Variants in NUS1 observed in about 807,000 individuals in gnomAD.
The protein encoded by NUS1 is NUS1 dehydrodolichyl diphosphate synthase subunit.
For missense variants in NUS1, 292 were observed against 382.9 expected (o/e 0.76, Z 1.98); for synonymous variants, 135 against 155.2 (o/e 0.87, Z 0.97).
At chr6:117,692,205 T>C (rs1440622855) in intron 1 of NUS1, among the ~76,000 whole-genome samples, 1 of 152,070 alleles carries the variant, frequency 6.6e-6, no homozygotes, top group East Asian at 1.9e-4. Flanking sequence ...GTGTATATAT[T>C]AGCCTGTGTT....
chr6:117,680,255 G>A (rs1198416842), intron 1 of NUS1, among the ~76,000 whole-genome samples: 1 of 152,192 alleles, frequency 6.6e-6, no homozygotes, highest in Admixed American at 6.5e-5. Context: ...AGATTTGGCT[G>A]TTCTGTCTAT....
At chr6:117,689,657 A>G (rs1773187974) in intron 1 of NUS1, among the ~76,000 whole-genome samples, 1 of 151,552 alleles carries the variant, frequency 6.6e-6, no homozygotes, top group Non-Finnish European at 1.5e-5. Flanking sequence ...GAACTCCTGG[A>G]CTCAAGCGAT....
chr6:117,707,120 A>G lies in NUS1; in HGVS notation c.*105A>G. ...GAAACCCTGTACACACCTAGTTCAT[A>G]ATCCTCATAATTTATCAACAAACAC... On this transcript the variant is annotated 3_prime_UTR_variant, in exon 5 of 5. Coordinates refer to ENST00000368494, the MANE Select transcript of NUS1 (RefSeq NM_138459.5). 6.4e-6 allele frequency: 6 copies of G among 942,492 alleles called. No individual in the cohort carries two copies. The highest frequency in any genetic ancestry group is 1.0e-5 in the Non-Finnish European group (6 of 595,918). 58.4% of individuals were successfully genotyped at this position (942,492 alleles called of 1,614,324 possible).
chr6:117,679,344 G>C (rs1582463562), intron 1 of NUS1, among the ~76,000 whole-genome samples: 1 of 152,154 alleles, frequency 6.6e-6, no homozygotes, highest in Non-Finnish European at 1.5e-5. Context: ...TTCCCTAATG[G>C]CAGCATTCTC....
Position 117,707,114 on chromosome 6 carries a change from G to C in NUS1, c.*99G>C. 1 of 990,536 alleles carries C rather than the reference G, an allele frequency of 1.0e-6. No individual in the cohort carries two copies. Among genetic ancestry groups the C allele is most frequent in the South Asian group, 1.3e-5 (1 of 76,274 alleles). 61.4% of individuals were successfully genotyped at this position (990,536 alleles called of 1,614,324 possible). Reference sequence around the variant, plus strand: ...ACCTATGAAACCCTGTACACACCTAGTTCATAATCCTCATAATTTATCAAC... The same window carrying C: ...ACCTATGAAACCCTGTACACACCTACTTCATAATCCTCATAATTTATCAAC... On this transcript the variant is annotated 3_prime_UTR_variant, in exon 5 of 5. Transcript: ENST00000368494.
At position 117,706,957 on chromosome 6, in the gene NUS1, A is replaced by C. The variant is rs1288059462; in HGVS notation, c.824A>C (p.Glu275Ala). The change falls in exon 5 of 5, where the codon GAG becomes GCG. Residue 275 changes from glutamate (E) to alanine (A), a missense_variant. Glu to Ala is a moderately radical substitution (Grantham distance 107). Coordinates refer to ENST00000368494, the MANE Select transcript of NUS1 (RefSeq NM_138459.5). ...SLPSHLNISY[E>A]DFFSALRQYA... is the part of the protein sequence containing the mutation. The stretch of plus-strand genomic sequence containing the variant: ...CCTTCCCACCTAAACATCAGTTATG[A>C]GGACTTTTTCTCTGCCCTTCGTCAA... 9 of 1,612,888 alleles carry C rather than the reference A, an allele frequency of 5.6e-6. No individual in the cohort carries two copies. Among genetic ancestry groups the C allele is most frequent in the Non-Finnish European group, 7.6e-6 (9 of 1,179,086 alleles).
intron 1 of NUS1, among the ~76,000 whole-genome samples, chr6:117,686,932 A>G (rs1453466642): frequency 1.3e-5 from 2 of 151,042 alleles, no homozygotes; most frequent in African/African-American, 4.9e-5. Context: ...CTGTAAGCTG[A>G]TAATATTGCT....
chr6:117,688,462 TA>T (rs749678093), intron 1 of NUS1, among the ~76,000 whole-genome samples: 12 of 141,044 alleles, frequency 8.5e-5, no homozygotes, highest in Admixed American at 1.4e-4. Context: ...TTTTTTTTTT[TA>T]AATTATAAAC....
At chr6:117,703,544 G>T in intron 3 of NUS1, 61 bp from the exon 4 acceptor site, 1 of 787,062 alleles carries the variant, frequency 1.3e-6, no homozygotes, top group East Asian at 3.4e-5. Flanking sequence ...GTGTGTTTCT[G>T]TGTGTGTGTG....
chr6:117,685,813 T>C (rs1582466847), intron 1 of NUS1, among the ~76,000 whole-genome samples: 1 of 152,154 alleles, frequency 6.6e-6, no homozygotes, highest in South Asian at 2.1e-4. Flanking sequence ...AATTCAAATA[T>C]CTGTTTGCCC....
At chr6:117,682,519 T>C (rs1057172649) in intron 1 of NUS1, among the ~76,000 whole-genome samples, 1 of 152,204 alleles carries the variant, frequency 6.6e-6, no homozygotes. Context: ...GAGGATTACT[T>C]GAGTCCTGGA....
intron 1 of NUS1, 43 bp downstream of exon 1, chr6:117,676,128 G>A (rs939653676): frequency 6.5e-7 from 1 of 1,549,242 alleles, no homozygotes; most frequent in Non-Finnish European, 8.7e-7. Flanking sequence ...AGGCGTCTTG[G>A]ACCGCTAGAC....
intron 1 of NUS1, among the ~76,000 whole-genome samples, chr6:117,680,956 G>T (rs1773053094): frequency 6.6e-6 from 1 of 152,154 alleles, no homozygotes; most frequent in African/African-American, 2.4e-5. Context: ...TTAAAAGTCT[G>T]CCCAGTGTAT....
At chr6:117,676,612 A>T (rs113244562) in intron 1 of NUS1, among the ~76,000 whole-genome samples, 1 of 152,186 alleles carries the variant, frequency 6.6e-6, no homozygotes, top group Non-Finnish European at 1.5e-5. Context: ...AATAAATAAA[A>T]AATCTCTTAT....
In NUS1 at chr6:117,707,135, TCAA is replaced by T; in HGVS notation, c.*124_*126del. On this transcript the variant is annotated 3_prime_UTR_variant, in exon 5 of 5. Coordinates refer to ENST00000368494, the MANE Select transcript of NUS1 (RefSeq NM_138459.5). ...CCTAGTTCATAATCCTCATAATTTA[TCAA>T]CAAACACAAAAAAGTGTCTTACTTG... 1.2e-6 allele frequency: 1 copy of T among 868,244 alleles called. No individual in the cohort carries two copies. Among genetic ancestry groups the T allele is most frequent in the Non-Finnish European group, 1.9e-6 (1 of 539,754 alleles). The allele number at this position is 868,244 out of a possible 1,614,324, so 53.8% of individuals were successfully genotyped here. A position where few individuals can be genotyped will look rare whatever the true frequency, so the allele number is the denominator to read the frequency against.
intron 1 of NUS1, among the ~76,000 whole-genome samples, chr6:117,688,084 A>C (rs995623452): frequency 6.6e-6 from 1 of 152,216 alleles, no homozygotes; most frequent in South Asian, 2.1e-4. Flanking sequence ...TTAGCTGGGC[A>C]CAGTGATATG....
intron 3 of NUS1, among the ~76,000 whole-genome samples, chr6:117,701,316 C>T (rs1366471917): frequency 6.7e-6 from 1 of 148,996 alleles, no homozygotes; most frequent in Admixed American, 6.8e-5. Context: ...GTGATCTCAG[C>T]TCACTGCAGA....
At chr6:117,680,461 T>A (rs1159849549) in intron 1 of NUS1, among the ~76,000 whole-genome samples, 1 of 152,244 alleles carries the variant, frequency 6.6e-6, no homozygotes, top group Non-Finnish European at 1.5e-5. Context: ...GGCTTTATTG[T>A]GCCTTGCTGG....
intron 1 of NUS1, among the ~76,000 whole-genome samples, chr6:117,678,294 A>G (rs1225330527): frequency 1.3e-5 from 2 of 152,056 alleles, no homozygotes; most frequent in Non-Finnish European, 2.9e-5. Flanking sequence ...GAAATAAGAG[A>G]CCTTCAATTA....
Sources: allele counts gnomAD v4.1 joint callset (sites outside exome capture counted in the v4.1 genomes callset), GRCh38; gene constraint gnomAD v4.1.1; transcripts MANE v1.5; gene names NCBI Gene and HGNC (gene_info 2026-07-23, HGNC 2026-07-21).